Variants in EIF4G2 observed in about 807,000 individuals in gnomAD.
The protein encoded by EIF4G2 is DAP-5.
In EIF4G2, 8 loss-of-function variants were observed where a neutral mutation model predicts 117.7. That is an observed-to-expected ratio of 0.07 (90% CI 0.04 to 0.12). EIF4G2 has a LOEUF of 0.12. Among genes scored for constraint, EIF4G2 ranks in the 10% least tolerant of loss-of-function variants. The pLI is 1.00. For synonymous variants in EIF4G2, 413 were observed against 367.8 expected (o/e 1.12, Z -1.41); for missense variants, 812 against 1,086.2 (o/e 0.75, Z 3.55).
intron 21 of EIF4G2, 124 bp downstream of exon 21, chr11:10,798,868 C>G: frequency 9.1e-7 from 1 of 1,095,294 alleles, no homozygotes; most frequent in South Asian, 1.6e-5. Flanking sequence ...ATGAAATGTA[C>G]AGGTGAAGAC....
In EIF4G2 at chr11:10,799,845, C is replaced by T. The variant is rs886216513; in HGVS notation, c.2120-89G>A. On this transcript the variant is annotated intron_variant, in intron 18 of 21. Transcript: ENST00000339995. ...AGCAGAGCTTCACAAATGATGTCCC[C>T]AAGTATGTAAGATCCATGTAGCAGA... The T allele has an allele frequency of 4.2e-6, 6 of 1,434,404 alleles. No homozygotes were observed. In the African/African-American group the frequency reaches 7.2e-5, roughly 17 times the overall value. 88.9% of individuals were successfully genotyped at this position (1,434,404 alleles called of 1,614,324 possible).
At position 10,801,705 on chromosome 11, in the gene EIF4G2, T is replaced by C. The variant is rs776514344; in HGVS notation, c.1369A>G (p.Met457Val). The C allele has an allele frequency of 3.1e-6, 5 of 1,614,204 alleles. No individual in the cohort carries two copies. The South Asian group carries it at 4.4e-5, about 14-fold the overall frequency. ...CCTTTCTTAGAAAACCGAGGTGGCA[T>C]ATCCTTCGACTGTCCTTGCAGCTGG... Residue 457 changes from methionine to valine, a missense_variant, in exon 14 of 22, where the codon ATG becomes GTG. Transcript: ENST00000339995.
chr11:10,803,019 C>T lies in EIF4G2; in HGVS notation c.996+11G>A, dbSNP rs771352784. The T allele has an allele frequency of 1.9e-6, 3 of 1,604,972 alleles. No individual in the cohort carries two copies. The highest frequency in any genetic ancestry group is 2.6e-6 in the Non-Finnish European group (3 of 1,175,810). Reference sequence around the variant, plus strand: ...AGTCTATGTGACAAACAAAACAAAACCCAATCTTACTTTTACTGCATCTTG... The same window carrying T: ...AGTCTATGTGACAAACAAAACAAAATCCAATCTTACTTTTACTGCATCTTG... On this transcript the variant is annotated intron_variant, in intron 11 of 21. Transcript: ENST00000339995. The surrounding 1 kb of genome is among the most constrained non-coding windows in gnomAD (Gnocchi z 4.0).
At chr11:10,805,859 G>A (rs750364932) in intron 4 of EIF4G2, 48 bp downstream of exon 4, 1 of 1,613,184 alleles carries the variant, frequency 6.2e-7, no homozygotes, top group South Asian at 1.1e-5. Flanking sequence ...ACCAAACACA[G>A]CTAATCCACA....
chr11:10,801,197 CT>C, intron 14 of EIF4G2, 110 bp from the exon 15 acceptor site: 1 of 1,474,932 alleles, frequency 6.8e-7, no homozygotes, highest in South Asian at 1.4e-5. Flanking sequence ...AAACATTAAG[CT>C]TTTTGAAAAA....
At position 10,797,811 on chromosome 11, in the gene EIF4G2, G is replaced by T. The variant is rs1412228751; in HGVS notation, c.*5C>A. ...TTTGCACAATTTAAGGCTTTGGCTG[G>T]TTCTTTAGTCAGCTTCTTCCTCTGA... On this transcript the variant is annotated 3_prime_UTR_variant, in exon 22 of 22. Transcript: ENST00000339995. This position sits in a 1 kb window ranked among gnomAD's most constrained non-coding sequence, Gnocchi z 4.5. The T allele has an allele frequency of 3.1e-6, 5 of 1,613,800 alleles. No individual in the cohort carries two copies. In the East Asian group the frequency reaches 8.9e-5, roughly 29 times the overall value.
At chr11:10,798,133 C>T (rs1180259720) in intron 21 of EIF4G2, among the ~76,000 whole-genome samples, 2 of 152,178 alleles carry the variant, frequency 1.3e-5, no homozygotes, top group East Asian at 3.8e-4. Flanking sequence ...GAAGATGCTG[C>T]AGGACCAATG....
chr11:10,803,614 G>C lies in EIF4G2; in HGVS notation c.703-24C>G. On this transcript the variant is annotated intron_variant, in intron 8 of 21. Transcript: ENST00000339995. This position sits in a 1 kb window ranked among gnomAD's most constrained non-coding sequence, Gnocchi z 4.0. ...AGCTACAAGAATAAAAGGCCATGGT[G>C]ACAAAGTTTTAGTTACTCTGGTTTA... The C allele has an allele frequency of 6.3e-7, 1 of 1,594,972 alleles. No individual in the cohort carries two copies. Among genetic ancestry groups the C allele is most frequent in the South Asian group, 1.1e-5 (1 of 90,698 alleles).
chr11:10,799,464 T>C, intron 19 of EIF4G2, 40 bp from the exon 20 acceptor site: 1 of 1,610,776 alleles, frequency 6.2e-7, no homozygotes, highest in East Asian at 2.2e-5. Context: ...AACAGTGAGT[T>C]TTCTTGCTCA....
In EIF4G2 at chr11:10,800,364, C is replaced by G; in HGVS notation, c.1861-16G>C. On this transcript the variant is annotated splice_polypyrimidine_tract_variant and intron_variant, in intron 17 of 21. Transcript: ENST00000339995. The stretch of plus-strand genomic sequence containing the variant: ...TCAGGAAAGCCTTGAAAGAAATATA[C>G]AACAGTTTATCAGTTTTCGAATTTG... The G allele has an allele frequency of 6.2e-7, 1 of 1,613,086 alleles. No homozygotes were observed. The highest frequency in any genetic ancestry group is 8.5e-7 in the Non-Finnish European group (1 of 1,179,152).
Position 10,803,742 on chromosome 11 carries a change from C to G in EIF4G2, c.703-152G>C, listed in dbSNP as rs920696607. ...CCAGTCTGGTTGATCAGTTCTAACT[C>G]TACTTTGTCAAACACACCACGTATT... On this transcript the variant is annotated intron_variant, in intron 8 of 21. Transcript: ENST00000339995. The surrounding 1 kb of genome is among the most constrained non-coding windows in gnomAD (Gnocchi z 4.0). The G allele has an allele frequency of 1.2e-5, 14 of 1,176,762 alleles. No individual in the cohort carries two copies. The highest frequency in any genetic ancestry group is 1.1e-5 in the Non-Finnish European group (9 of 833,608). 72.9% of individuals were successfully genotyped at this position (1,176,762 alleles called of 1,614,324 possible). A position where few individuals can be genotyped will look rare whatever the true frequency, so the allele number is the denominator to read the frequency against.
Position 10,797,729 on chromosome 11 carries a change from G to A in EIF4G2, c.*87C>T, listed in dbSNP as rs878950347. The stretch of plus-strand genomic sequence containing the variant: ...TTAAATATTGTGAAAACATTACAGC[G>A]GAATGAATTTTCGCAGTGGTTAGGT... On this transcript the variant is annotated 3_prime_UTR_variant, in exon 22 of 22. Transcript: ENST00000339995. The surrounding 1 kb of genome is among the most constrained non-coding windows in gnomAD (Gnocchi z 4.5). The A allele has an allele frequency of 1.3e-5, 17 of 1,324,302 alleles. No homozygotes were observed. The highest frequency in any genetic ancestry group is 8.8e-5 in the African/African-American group (6 of 68,546). The allele number at this position is 1,324,302 out of a possible 1,614,324, so 82.0% of individuals were successfully genotyped here. A position where few individuals can be genotyped will look rare whatever the true frequency, so the allele number is the denominator to read the frequency against.
Position 10,800,634 on chromosome 11 carries a change from G to A in EIF4G2, c.1658C>T (p.Thr553Ile), listed in dbSNP as rs757731903. ...TGCATTTCCACTATTTAGATATTCA[G>A]TCACAACAGTTTCCTGTGAAGAACA... is the stretch of plus-strand genomic sequence containing the variant. Residue 553 changes from threonine (T) to isoleucine (I), a missense_variant, in exon 17 of 22, where the codon ACT (threonine) becomes ATT (isoleucine). By Grantham distance (89) the Thr-to-Ile change is moderately conservative. This residue lies in a region of EIF4G2 where 571 missense variants were observed against 642.3 expected (regional missense o/e 0.89). Transcript: ENST00000339995. 5 of 1,614,090 alleles carry A rather than the reference G, an allele frequency of 3.1e-6. No homozygotes were observed. The Admixed American group carries it at 5.0e-5, about 16-fold the overall frequency.
chr11:10,805,037 T>C, intron 4 of EIF4G2, 22 bp from the exon 5 acceptor site: 1 of 1,571,194 alleles, frequency 6.4e-7, no homozygotes, highest in Non-Finnish European at 8.8e-7. Context: ...GGAATTACAT[T>C]TTAAGTGTTA....
At chr11:10,802,515 G>T in intron 11 of EIF4G2, 80 bp from the exon 12 acceptor site, 1 of 1,436,846 alleles carries the variant, frequency 7.0e-7, no homozygotes, top group Non-Finnish European at 9.3e-7. Flanking sequence ...AACTAGGGGG[G>T]GAAACCTAGA....
In EIF4G2 at chr11:10,803,144, AATTTT is replaced by A. The variant is rs764568879; in HGVS notation, c.898-21_898-17del. 3.6e-5 allele frequency: 57 copies of A among 1,602,726 alleles called. No individual in the cohort carries two copies. Among genetic ancestry groups the A allele is most frequent in the Non-Finnish European group, 4.7e-5 (55 of 1,175,948 alleles). ...CTACGGTATCCTTTAATTGAAAAAT[AATTTT>A]ATTTTAATATTCCTAAACCAAAAAC... On this transcript the variant is annotated splice_polypyrimidine_tract_variant and intron_variant, in intron 10 of 21. Coordinates refer to ENST00000339995, the MANE Select transcript of EIF4G2 (RefSeq NM_001418.4). This position sits in a 1 kb window ranked among gnomAD's most constrained non-coding sequence, Gnocchi z 4.0.
chr11:10,797,953 G>C lies in EIF4G2; in HGVS notation c.2659-72C>G. 7.4e-7 allele frequency: 1 copy of C among 1,351,650 alleles called. No homozygotes were observed. Among genetic ancestry groups the C allele is most frequent in the Non-Finnish European group, 1.0e-6 (1 of 953,120 alleles). The allele number at this position is 1,351,650 out of a possible 1,614,324, so 83.7% of individuals were successfully genotyped here. A position where few individuals can be genotyped will look rare whatever the true frequency, so the allele number is the denominator to read the frequency against. On this transcript the variant is annotated intron_variant, in intron 21 of 21. Coordinates refer to ENST00000339995, the MANE Select transcript of EIF4G2 (RefSeq NM_001418.4). This position sits in a 1 kb window ranked among gnomAD's most constrained non-coding sequence, Gnocchi z 4.5. ...AAATCCATCCAAAAAGTTTTAGGTG[G>C]TACTACACAGTTTTAGAATATGAAA...
In EIF4G2 at chr11:10,799,233, T is replaced by C. The variant is rs772522087; in HGVS notation, c.2516A>G (p.Tyr839Cys). The C allele has an allele frequency of 1.6e-5, 26 of 1,614,074 alleles. No homozygotes were observed. Among genetic ancestry groups the C allele is most frequent in the East Asian group, 6.7e-5 (3 of 44,890 alleles). Residue 839 changes from tyrosine (Y) to cysteine (C), a missense_variant, in exon 20 of 22, where the codon TAT (tyrosine) becomes TGT (cysteine). This residue lies in a region of EIF4G2 where 571 missense variants were observed against 642.3 expected (regional missense o/e 0.89). Coordinates refer to ENST00000339995, the MANE Select transcript of EIF4G2 (RefSeq NM_001418.4). ...CTCACCTTTTGGGAAGTTGCTGTTATAGCAGTGCACCTGGAGAGCATACAG... is the reference window on the plus strand; with the variant it reads ...CTCACCTTTTGGGAAGTTGCTGTTACAGCAGTGCACCTGGAGAGCATACAG...
At chr11:10,802,652 G>T (rs1006610938) in intron 11 of EIF4G2, among the ~76,000 whole-genome samples, 19 of 152,200 alleles carry the variant, frequency 1.2e-4, no homozygotes, top group African/African-American at 4.6e-4. Context: ...GTTTGCATGA[G>T]GTCAGGAGTT....
Sources: allele counts gnomAD v4.1 joint callset (sites outside exome capture counted in the v4.1 genomes callset), GRCh38; gene constraint gnomAD v4.1.1; regional missense constraint gnomAD v4.1.1; non-coding constraint Gnocchi (gnomAD v3.1); transcripts MANE v1.5; gene names NCBI Gene and HGNC (gene_info 2026-07-23, HGNC 2026-07-21).